SOX6: variants seen among roughly 807,000 people sequenced by gnomAD.
SOX6 encodes SRY-box transcription factor 6, also known as transcription factor SOX-6.
Under a neutral mutation model 97.8 loss-of-function variants are expected in SOX6, and 11 were observed. That is an observed-to-expected ratio of 0.11 (90% CI 0.07 to 0.19). The LOEUF (loss-of-function observed/expected upper bound fraction) is 0.19. SOX6 is among the 10% of genes least tolerant of loss of function. The pLI is 1.00. For synonymous variants in SOX6, 360 were observed against 371.4 expected (o/e 0.97, Z 0.35); for missense variants, 810 against 1,039.5 (o/e 0.78, Z 3.04).
intron 9 of SOX6, among the ~76,000 whole-genome samples, chr11:16,080,106 C>T (rs1848440855): frequency 6.7e-6 from 1 of 149,634 alleles, no homozygotes; most frequent in Admixed American, 6.6e-5. Context: ...AAAAAACATT[C>T]TCATCACACC....
intron 6 of SOX6, among the ~76,000 whole-genome samples, chr11:16,123,952 G>A (rs1041709934): frequency 3.3e-5 from 5 of 152,032 alleles, no homozygotes; most frequent in Admixed American, 3.3e-4. Context: ...ATTGTACCAT[G>A]ATGTTTCTCC....
At chr11:16,518,673 T>C (rs1861012058) in intron 4 of SOX6, among the ~76,000 whole-genome samples, 1 of 152,158 alleles carries the variant, frequency 6.6e-6, no homozygotes, top group Admixed American at 6.5e-5. Context: ...GAAATTAATA[T>C]GAACACATTC....
intron 3 of SOX6, among the ~76,000 whole-genome samples, chr11:16,701,360 T>G (rs574143406): frequency 1.3e-5 from 2 of 152,304 alleles, no homozygotes; most frequent in Admixed American, 1.3e-4. Flanking sequence ...TTTGTGAATA[T>G]TAAATAAAAT....
At chr11:16,310,653 A>C (rs1855574337) in intron 3 of SOX6, among the ~76,000 whole-genome samples, 1 of 152,140 alleles carries the variant, frequency 6.6e-6, no homozygotes, top group African/African-American at 2.4e-5. Flanking sequence ...GGGAAACTTC[A>C]GCATTTAAAT....
At chr11:16,507,675 T>G (rs113286762) in intron 4 of SOX6, among the ~76,000 whole-genome samples, 2,303 of 152,274 alleles carry the variant, frequency 0.015, 64 homozygotes, top group African/African-American at 0.053. Context: ...AAAGACACCC[T>G]CTTCTAGAAA....
intron 4 of SOX6, among the ~76,000 whole-genome samples, chr11:16,538,961 T>C (rs1299833735): frequency 6.6e-6 from 1 of 152,196 alleles, no homozygotes; most frequent in African/African-American, 2.4e-5. Flanking sequence ...AACTCAGCTC[T>C]GCACCAAGTG....
chr11:16,294,093 T>A (rs768104078), intron 3 of SOX6, among the ~76,000 whole-genome samples: 28 of 152,166 alleles, frequency 1.8e-4, no homozygotes, highest in Non-Finnish European at 3.1e-4. Context: ...GGTTTGAAAT[T>A]CAAGGGGCCA....
At chr11:16,220,270 A>G (rs902073608) in intron 4 of SOX6, among the ~76,000 whole-genome samples, 2 of 152,018 alleles carry the variant, frequency 1.3e-5, no homozygotes, top group East Asian at 1.9e-4. Flanking sequence ...AAATACCAGA[A>G]GCAAAATTAT....
At chr11:16,476,831 T>A (rs545530694), upstream of SOX6, among the ~76,000 whole-genome samples, 1 of 152,338 alleles carries the variant, frequency 6.6e-6, no homozygotes, top group Admixed American at 6.5e-5. Flanking sequence ...ATGCAGTGTT[T>A]GTTCTACCTA....
chr11:16,371,786 T>C (rs953862599), intron 1 of SOX6, among the ~76,000 whole-genome samples: 1 of 152,162 alleles, frequency 6.6e-6, no homozygotes, highest in African/African-American at 2.4e-5. Context: ...CGTGCCTTTG[T>C]TTTTACTGAG....
At chr11:16,348,422 A>T (rs905720956) in intron 1 of SOX6, among the ~76,000 whole-genome samples, 3 of 152,164 alleles carry the variant, frequency 2.0e-5, no homozygotes, top group African/African-American at 7.2e-5. Context: ...TATCAAATCT[A>T]AATTTTTCAA....
At chr11:16,138,700 C>T (rs1046412752) in intron 6 of SOX6, among the ~76,000 whole-genome samples, 1 of 151,986 alleles carries the variant, frequency 6.6e-6, no homozygotes, top group South Asian at 2.1e-4. Flanking sequence ...TCCCTCCCCC[C>T]TCCTCCCACC....
intron 6 of SOX6, among the ~76,000 whole-genome samples, chr11:16,148,968 G>A (rs535896715): frequency 2.6e-5 from 4 of 152,190 alleles, no homozygotes; most frequent in Admixed American, 1.3e-4. Flanking sequence ...TACTATGTAA[G>A]CATACTCATT....
chr11:16,626,243 C>T (rs1848621952), intron 3 of SOX6, among the ~76,000 whole-genome samples: 1 of 152,218 alleles, frequency 6.6e-6, no homozygotes, highest in African/African-American at 2.4e-5. Flanking sequence ...AGGAGTTTTA[C>T]TTCCAACAGG....
chr11:16,660,468 T>C (rs1432199095), intron 3 of SOX6, among the ~76,000 whole-genome samples: 1 of 152,198 alleles, frequency 6.6e-6, no homozygotes, highest in East Asian at 1.9e-4. Context: ...TTTCGTAAGG[T>C]TTCTATTTTT....
chr11:16,657,011 C>T (rs190999324), intron 3 of SOX6, among the ~76,000 whole-genome samples: 3 of 152,276 alleles, frequency 2.0e-5, no homozygotes, highest in Admixed American at 1.3e-4. Context: ...ACTGTATGTT[C>T]TACATTTCTA....
intron 3 of SOX6, among the ~76,000 whole-genome samples, chr11:16,259,575 C>G (rs145299055): frequency 0.01 from 1,586 of 152,112 alleles, 17 homozygotes; most frequent in Middle Eastern, 0.027. Flanking sequence ...CAATGGTAAC[C>G]AATAGACATA....
At chr11:16,683,778 T>TATCA (rs1333869643) in intron 3 of SOX6, among the ~76,000 whole-genome samples, 1 of 152,130 alleles carries the variant, frequency 6.6e-6, no homozygotes. Flanking sequence ...CAAAAGAAAC[T>TATCA]ATCATCGGAG....
At chr11:16,595,760 G>T (rs1473820990) in intron 4 of SOX6, among the ~76,000 whole-genome samples, 1 of 152,044 alleles carries the variant, frequency 6.6e-6, no homozygotes, top group Non-Finnish European at 1.5e-5. Context: ...AACAGAGCAA[G>T]ACCCCGTCTC....
Sources: allele counts gnomAD v4.1 joint callset (sites outside exome capture counted in the v4.1 genomes callset), GRCh38; gene constraint gnomAD v4.1.1; transcripts MANE v1.5; gene names NCBI Gene and HGNC (gene_info 2026-07-23, HGNC 2026-07-21).